PIBF1: variants seen among roughly 807,000 people sequenced by gnomAD.
PIBF1 encodes progesterone immunomodulatory binding factor 1.
PIBF1 carries 90 observed loss-of-function variants against 112.5 expected under a neutral mutation model. The observed-to-expected ratio is 0.80, with a 90% CI of 0.67 to 0.95. The LOEUF (loss-of-function observed/expected upper bound fraction) is 0.95, where lower values mean the gene tolerates loss of function less well. Ranked by LOEUF, PIBF1 falls within the 40% of genes least tolerant of loss-of-function variation. The pLI is 0.00. For missense variants in PIBF1, 915 were observed against 852.3 expected, an observed-to-expected ratio of 1.07 and a Z score of -0.92; for synonymous variants, 301 against 288.6, an observed-to-expected ratio of 1.04 and a Z score of -0.44.
chr13:72,818,050 G>A (rs2036370056), intron 5 of PIBF1, among the ~76,000 whole-genome samples: 1 of 138,724 alleles, frequency 7.2e-6, no homozygotes, highest in Non-Finnish European at 1.6e-5. Flanking sequence ...TATATTTAAA[G>A]GAAATTTATA....
intron 9 of PIBF1, among the ~76,000 whole-genome samples, chr13:72,837,959 A>G (rs1013945078): frequency 2.0e-5 from 3 of 152,208 alleles, no homozygotes; most frequent in African/African-American, 7.2e-5. Flanking sequence ...GACATTCTCT[A>G]TCTTTGGCAA....
chr13:72,929,609 C>T (rs1442190009), intron 13 of PIBF1, among the ~76,000 whole-genome samples: 1 of 151,966 alleles, frequency 6.6e-6, no homozygotes, highest in African/African-American at 2.4e-5. Context: ...TTGAATTGTA[C>T]ACTTTAAATT....
At chr13:72,962,780 A>T (rs2042640254) in intron 14 of PIBF1, among the ~76,000 whole-genome samples, 1 of 152,168 alleles carries the variant, frequency 6.6e-6, no homozygotes, top group Admixed American at 6.5e-5. Flanking sequence ...GGAAAAACTG[A>T]TCCTAAAATT....
chr13:72,971,186 GTGTGTGTGTGTGTGTGTGTA>G (rs1237660250), intron 15 of PIBF1, among the ~76,000 whole-genome samples: 1 of 49,090 alleles, frequency 2.0e-5, no homozygotes. Context: ...CAGAGAGTGA[GTGTGTGTGTGTGTGTGTGTA>G]TGTGTGTGTG....
chr13:72,910,391 A>G lies in PIBF1; in HGVS notation c.1639+1710A>G, dbSNP rs144288294. 6.4e-3 allele frequency among the ~76,000 whole-genome samples: 976 copies of G among 152,132 alleles called. 13 individuals are homozygous for G. The highest frequency in any genetic ancestry group is 6.3e-3 in the Non-Finnish European group (428 of 67,974). ...TTCATATCTTGCCATTCCCCTCCAT[A>G]TCATATTATTGTTTTGAAAGTTTCA... is the stretch of plus-strand genomic sequence containing the variant. On this transcript the variant is annotated intron_variant, in intron 12 of 17. Coordinates refer to ENST00000326291, the MANE Select transcript of PIBF1 (RefSeq NM_006346.4).
intron 10 of PIBF1, among the ~76,000 whole-genome samples, chr13:72,869,818 CACAT>C (rs2039088155): frequency 6.6e-6 from 1 of 151,848 alleles, no homozygotes; most frequent in Non-Finnish European, 1.5e-5. Context: ...CACACACACA[CACAT>C]ATATATATAT....
intron 10 of PIBF1, among the ~76,000 whole-genome samples, chr13:72,880,206 C>T (rs998220629): frequency 3.9e-5 from 6 of 152,112 alleles, no homozygotes; most frequent in Non-Finnish European, 8.8e-5. Flanking sequence ...AACTCTGTTT[C>T]TTGGTAAGGA....
At chr13:72,921,130 A>G (rs111441435) in intron 13 of PIBF1, among the ~76,000 whole-genome samples, 3,368 of 152,034 alleles carry the variant, frequency 0.022, 136 homozygotes, top group African/African-American at 0.077. Flanking sequence ...TTGGAGTCTC[A>G]CTCACTCTGT....
intron 14 of PIBF1, among the ~76,000 whole-genome samples, chr13:72,941,495 C>CA (rs1365493547): frequency 1.3e-5 from 2 of 152,134 alleles, no homozygotes; most frequent in African/African-American, 4.8e-5. Context: ...CAACTGATGA[C>CA]AAAATAGACA....
At chr13:72,835,389 G>T in intron 9 of PIBF1, 21 bp downstream of exon 9, 1 of 1,484,188 alleles carries the variant, frequency 6.7e-7, no homozygotes. Context: ...AAAAATGCTT[G>T]TATGGTATTT....
At chr13:72,874,947 A>G (rs1275370751) in intron 10 of PIBF1, among the ~76,000 whole-genome samples, 1 of 152,082 alleles carries the variant, frequency 6.6e-6, no homozygotes, top group Non-Finnish European at 1.5e-5. Flanking sequence ...CAAACTCTAT[A>G]GTTTTCATTA....
At chr13:72,924,924 G>A (rs2041430442) in intron 13 of PIBF1, among the ~76,000 whole-genome samples, 1 of 152,130 alleles carries the variant, frequency 6.6e-6, no homozygotes, top group Non-Finnish European at 1.5e-5. Flanking sequence ...GTGAAGGCTG[G>A]CACAGTCAAA....
At chr13:72,920,570 T>A (rs2041252783) in intron 13 of PIBF1, among the ~76,000 whole-genome samples, 1 of 152,226 alleles carries the variant, frequency 6.6e-6, no homozygotes, top group African/African-American at 2.4e-5. Context: ...TTATGTTTAT[T>A]TAAGATAAAA....
chr13:72,944,099 A>G (rs2042084191), intron 14 of PIBF1, among the ~76,000 whole-genome samples: 1 of 150,114 alleles, frequency 6.7e-6, no homozygotes, highest in South Asian at 2.1e-4. Flanking sequence ...GGCAATTTTT[A>G]AAGGAAATAA....
intron 9 of PIBF1, among the ~76,000 whole-genome samples, chr13:72,844,791 A>ACACACACACACG (rs1566348767): frequency 8.4e-5 from 11 of 131,210 alleles, no homozygotes; most frequent in African/African-American, 3.2e-4. Flanking sequence ...ACACACACAC[A>ACACACACACACG]CACACACACG....
intron 6 of PIBF1, among the ~76,000 whole-genome samples, chr13:72,826,693 A>G (rs1334896768): frequency 1.3e-5 from 2 of 152,156 alleles, no homozygotes; most frequent in African/African-American, 2.4e-5. Context: ...AAAAGTTTTA[A>G]CCTCAAGATA....
chr13:72,906,931 T>C (rs2040724184), intron 11 of PIBF1, among the ~76,000 whole-genome samples: 1 of 152,146 alleles, frequency 6.6e-6, no homozygotes, highest in African/African-American at 2.4e-5. Context: ...ACCAGATTCT[T>C]AATGAATTAC....
At chr13:72,826,754 ATTAT>A (rs1244623251) in intron 6 of PIBF1, among the ~76,000 whole-genome samples, 1 of 152,176 alleles carries the variant, frequency 6.6e-6, no homozygotes, top group Non-Finnish European at 1.5e-5. Context: ...AGTAAGTTTT[ATTAT>A]TTACTGTACT....
chr13:72,934,635 G>A (rs2041810157), intron 14 of PIBF1, among the ~76,000 whole-genome samples: 1 of 152,150 alleles, frequency 6.6e-6, no homozygotes, highest in Admixed American at 6.5e-5. Flanking sequence ...ACACTATTCA[G>A]ATTATGTCTG....
Sources: gnomAD v4.1 joint callset for allele counts (sites outside exome capture counted in the v4.1 genomes callset) on GRCh38, gnomAD v4.1.1 for gene constraint, MANE v1.5 for transcripts, NCBI Gene and HGNC (gene_info 2026-07-23, HGNC 2026-07-21) for gene names.